The following PDE1C variants were observed in gnomAD, a reference collection of about 807,000 sequenced individuals.
PDE1C encodes phosphodiesterase 1C, also known as dual specificity calcium/calmodulin-dependent 3',5'-cyclic nucleotide phosphodiesterase 1C.
PDE1C carries 62 observed loss-of-function variants against 93.1 expected under a neutral mutation model. That is an observed-to-expected ratio of 0.67 (90% CI 0.54 to 0.82). PDE1C has a LOEUF of 0.82. Ranked by LOEUF, PDE1C falls within the 40% of genes least tolerant of loss-of-function variation. PDE1C has a pLI of 0.00. For synonymous variants in PDE1C, 325 were observed against 310.1 expected (o/e 1.05, Z -0.50); for missense variants, 742 against 884.6 (o/e 0.84, Z 2.04).
At chr7:31,904,218 C>A (rs559295503) in intron 2 of PDE1C, among the ~76,000 whole-genome samples, 9 of 152,092 alleles carry the variant, frequency 5.9e-5, no homozygotes, top group African/African-American at 2.2e-4. Flanking sequence ...AAGCTGGAAT[C>A]CAGCCTGAAT....
chr7:31,814,961 T>G (rs1219764763), intron 15 of PDE1C, among the ~76,000 whole-genome samples: 1 of 151,866 alleles, frequency 6.6e-6, no homozygotes, highest in Admixed American at 6.6e-5. Context: ...CTCTGGAGAC[T>G]CAGAACTTCC....
exon 1 of PDE1C, chr7:32,428,073 G>A (rs920259772): frequency 2.0e-5 from 3 of 152,388 alleles, no homozygotes; most frequent in Non-Finnish European, 2.9e-5. Flanking sequence ...CGGTGGCAAC[G>A]AGCCCGACTG....
the PDE1C span, chr7:31,707,553 G>C: frequency 2.5e-6 from 1 of 394,890 alleles, no homozygotes; most frequent in Non-Finnish European, 4.5e-6. Context: ...GGAGGTAACA[G>C]GGAAAGCACT....
At chr7:32,329,918 C>T (rs764234000) in intron 1 of PDE1C, among the ~76,000 whole-genome samples, 11 of 152,224 alleles carry the variant, frequency 7.2e-5, no homozygotes, top group African/African-American at 2.7e-4. Context: ...GTTTCCAGCA[C>T]TTTGCTCAAA....
intron 2 of PDE1C, among the ~76,000 whole-genome samples, chr7:31,953,934 G>T (rs905102337): frequency 6.6e-5 from 10 of 152,164 alleles, no homozygotes; most frequent in Non-Finnish European, 1.5e-4. Context: ...AATTTAAACC[G>T]TGATGATTGG....
At chr7:32,416,892 TA>T (rs753262939) in intron 1 of PDE1C, among the ~76,000 whole-genome samples, 1 of 151,984 alleles carries the variant, frequency 6.6e-6, no homozygotes, top group South Asian at 2.1e-4. Flanking sequence ...TTGCCAACAG[TA>T]AAAAGCTGTG....
the PDE1C span, among the ~76,000 whole-genome samples, chr7:31,627,610 C>T: frequency 3.7e-5 from 5 of 134,780 alleles, no homozygotes; most frequent in East Asian, 5.1e-4. Context: ...CAGTAAGCTG[C>T]GATCATGCCA....
At chr7:32,088,076 A>T (rs935832417) in intron 3 of PDE1C, among the ~76,000 whole-genome samples, 2 of 152,152 alleles carry the variant, frequency 1.3e-5, no homozygotes, top group Non-Finnish European at 2.9e-5. Context: ...GAAAACTTAC[A>T]TCATTCAATT....
At chr7:31,686,190 A>C in the PDE1C span, among the ~76,000 whole-genome samples, 1 of 152,162 alleles carries the variant, frequency 6.6e-6, no homozygotes, top group African/African-American at 2.4e-5. Flanking sequence ...ATTGGCTGCT[A>C]TCAGGGGGTC....
the PDE1C span, among the ~76,000 whole-genome samples, chr7:31,632,413 C>T: frequency 2.0e-5 from 3 of 152,168 alleles, no homozygotes; most frequent in Non-Finnish European, 4.4e-5. Flanking sequence ...TGCCACTGCA[C>T]TCCAGCCTGG....
the PDE1C span, among the ~76,000 whole-genome samples, chr7:31,641,286 A>G: frequency 6.6e-6 from 1 of 152,166 alleles, no homozygotes; most frequent in Non-Finnish European, 1.5e-5. Context: ...CAAGCATTGT[A>G]TCTATGGACA....
intron 1 of PDE1C, among the ~76,000 whole-genome samples, chr7:32,387,705 C>G (rs1301847353): frequency 7.2e-6 from 1 of 139,222 alleles, no homozygotes; most frequent in South Asian, 2.4e-4. Flanking sequence ...CCCTCCCGGA[C>G]GGGGCGGCTG....
chr7:31,880,650 G>A (rs1583756620), intron 3 of PDE1C, 97 bp downstream of exon 3: 2 of 702,558 alleles, frequency 2.8e-6, no homozygotes, highest in East Asian at 5.2e-5. Flanking sequence ...TAATTTGAAT[G>A]TCACCCCATT....
intron 13 of PDE1C, 132 bp downstream of exon 13, chr7:31,824,735 C>A: frequency 8.8e-7 from 1 of 1,138,662 alleles, no homozygotes. Flanking sequence ...AGGAAAGAGG[C>A]AGACAAATTT....
intron 2 of PDE1C, among the ~76,000 whole-genome samples, chr7:31,900,402 T>C (rs1799819448): frequency 7.1e-6 from 1 of 141,510 alleles, no homozygotes; most frequent in African/African-American, 2.5e-5. Context: ...ATTATCTTTT[T>C]ATTCCTGGCT....
chr7:32,008,845 T>C (rs1037293540), intron 2 of PDE1C, among the ~76,000 whole-genome samples: 1 of 152,194 alleles, frequency 6.6e-6, no homozygotes, highest in Non-Finnish European at 1.5e-5. Context: ...ATGTATTGAT[T>C]AAGTTACAAA....
At chr7:31,956,809 A>T (rs1808216811) in intron 2 of PDE1C, among the ~76,000 whole-genome samples, 1 of 152,246 alleles carries the variant, frequency 6.6e-6, no homozygotes, top group South Asian at 2.1e-4. Context: ...ATTCATAGAC[A>T]TAGAATTGAA....
chr7:31,918,761 A>T (rs1270618061), intron 2 of PDE1C, among the ~76,000 whole-genome samples: 4 of 152,104 alleles, frequency 2.6e-5, no homozygotes, highest in Non-Finnish European at 5.9e-5. Context: ...TACCTTCGTC[A>T]TTGCCTTGCT....
At chr7:32,105,196 T>C (rs532342374) in intron 3 of PDE1C, among the ~76,000 whole-genome samples, 1 of 152,294 alleles carries the variant, frequency 6.6e-6, no homozygotes, top group Non-Finnish European at 1.5e-5. Context: ...CTTTCTCTCC[T>C]AAATTTCCAA....
Sources: allele counts gnomAD v4.1 joint callset (sites outside exome capture counted in the v4.1 genomes callset), GRCh38; gene constraint gnomAD v4.1.1; transcripts MANE v1.5; gene names NCBI Gene and HGNC (gene_info 2026-07-23, HGNC 2026-07-21).